The following DNAJC3 variants were observed in gnomAD, a reference collection of about 807,000 sequenced individuals.
The protein encoded by DNAJC3 is DnaJ heat shock protein family (Hsp40) member C3, also known as dnaJ homolog subfamily C member 3.
In DNAJC3, 38 loss-of-function variants were observed where a neutral mutation model predicts 68.6. The ratio of observed to expected loss-of-function variants is 0.55; its 90% CI spans 0.43 to 0.73. DNAJC3 has a LOEUF of 0.73. Among genes scored for constraint, DNAJC3 ranks in the 30% least tolerant of loss-of-function variants. The pLI is 0.00. For synonymous variants in DNAJC3, 203 were observed against 204.0 expected (o/e 1.00, Z 0.04); for missense variants, 526 against 591.9 (o/e 0.89, Z 1.16).
Position 95,677,185 on chromosome 13 carries a change from T to A in DNAJC3, c.-71T>A. On this transcript the variant is annotated 5_prime_UTR_variant, in exon 1 of 12. Coordinates refer to ENST00000602402, the MANE Select transcript of DNAJC3 (RefSeq NM_006260.5). ...AGAGCCGACGGCGGGCGGGCGCAGC[T>A]GCTGCCGGAGCGCCGGCGCGTGCTG... is the stretch of plus-strand genomic sequence containing the variant. 6.8e-7 allele frequency: 1 copy of A among 1,464,582 alleles called. No individual in the cohort carries two copies. The highest frequency in any genetic ancestry group is 9.2e-7 in the Non-Finnish European group (1 of 1,082,436). 90.7% of individuals were successfully genotyped at this position (1,464,582 alleles called of 1,614,324 possible). A position where few individuals can be genotyped will look rare whatever the true frequency, so the allele number is the denominator to read the frequency against.
intron 1 of DNAJC3, among the ~76,000 whole-genome samples, chr13:95,698,881 G>A (rs1308165248): frequency 1.3e-5 from 2 of 152,218 alleles, no homozygotes; most frequent in Non-Finnish European, 2.9e-5. Flanking sequence ...CTGGACCCAC[G>A]GCATGAAACC....
chr13:95,717,499 A>T (rs1881188980), intron 2 of DNAJC3, among the ~76,000 whole-genome samples: 1 of 152,172 alleles, frequency 6.6e-6, no homozygotes, highest in Admixed American at 6.5e-5. Flanking sequence ...TGAATGAAGG[A>T]GTTCAGTTGG....
chr13:95,727,719 C>T (rs1009195361), intron 4 of DNAJC3, among the ~76,000 whole-genome samples: 3 of 152,186 alleles, frequency 2.0e-5, no homozygotes, highest in African/African-American at 7.2e-5. Context: ...CTGATACAAT[C>T]TATCAATCTA....
intron 1 of DNAJC3, among the ~76,000 whole-genome samples, chr13:95,681,472 T>A (rs1193887751): frequency 6.6e-6 from 1 of 152,160 alleles, no homozygotes; most frequent in African/African-American, 2.4e-5. Flanking sequence ...CATCTCAGCC[T>A]CCTGAATAGC....
chr13:95,760,250 C>T (rs745720390), intron 6 of DNAJC3, 29 bp downstream of exon 6: 1 of 1,466,914 alleles, frequency 6.8e-7, no homozygotes, highest in Admixed American at 2.5e-5. Context: ...CATGTCTGAT[C>T]TTTTTTAATT....
intron 4 of DNAJC3, among the ~76,000 whole-genome samples, chr13:95,740,132 G>A (rs1289435791): frequency 6.6e-6 from 1 of 152,188 alleles, no homozygotes; most frequent in Non-Finnish European, 1.5e-5. Flanking sequence ...TCGGGGGTCG[G>A]GGTCAGGGAC....
In DNAJC3 at chr13:95,790,879, G is replaced by C; in HGVS notation, c.1364G>C (p.Arg455Thr). Residue 455 changes from arginine (R) to threonine (T), a missense_variant, in exon 12 of 12, where the codon AGA becomes ACA. Physicochemically the swap from Arg to Thr is moderately conservative, Grantham distance 71. Coordinates refer to ENST00000602402, the MANE Select transcript of DNAJC3 (RefSeq NM_006260.5). ...TTTTCTGATTTCTTTCTAGAAATGA[G>C]AAAGAAGTTTGACGACGGAGAAGAT... The part of the protein sequence containing the change: ...AKEVLSDPEM[R>T]KKFDDGEDPL... 1 of 1,608,976 alleles carries C rather than the reference G, an allele frequency of 6.2e-7. No homozygotes were observed. The highest frequency in any genetic ancestry group is 2.2e-5 in the East Asian group (1 of 44,806).
At chr13:95,766,804 A>G (rs1049015462) in intron 9 of DNAJC3, among the ~76,000 whole-genome samples, 3 of 151,652 alleles carry the variant, frequency 2.0e-5, no homozygotes, top group South Asian at 4.2e-4. Flanking sequence ...CGGTTCAAGC[A>G]ATTCTCCTGC....
intron 1 of DNAJC3, among the ~76,000 whole-genome samples, chr13:95,690,697 C>T (rs1201857945): frequency 7.3e-6 from 1 of 136,682 alleles, no homozygotes; most frequent in Non-Finnish European, 1.6e-5. Context: ...GACGGGGCGG[C>T]TGGCTGGGCA....
intron 2 of DNAJC3, among the ~76,000 whole-genome samples, chr13:95,718,034 T>A (rs1881207898): frequency 6.6e-6 from 1 of 152,216 alleles, no homozygotes; most frequent in Admixed American, 6.5e-5. Context: ...AATTGTTTGA[T>A]AGTTCTAGGA....
At chr13:95,722,455 A>C (rs143570501) in intron 2 of DNAJC3, among the ~76,000 whole-genome samples, 38 of 152,118 alleles carry the variant, frequency 2.5e-4, no homozygotes, top group African/African-American at 8.9e-4. Context: ...CATAGAGACA[A>C]ACTGAATTGC....
chr13:95,701,690 T>G (rs1431893713), intron 1 of DNAJC3, among the ~76,000 whole-genome samples: 1 of 152,216 alleles, frequency 6.6e-6, no homozygotes, highest in East Asian at 1.9e-4. Flanking sequence ...GGAGTCCCAG[T>G]TTATGAAGAT....
chr13:95,702,603 C>G (rs2139618518), intron 1 of DNAJC3, among the ~76,000 whole-genome samples: 1 of 152,242 alleles, frequency 6.6e-6, no homozygotes, highest in South Asian at 2.1e-4. Flanking sequence ...CTTGTTTTCC[C>G]CTTTCACCAC....
At chr13:95,754,909 A>T (rs1882605540) in intron 4 of DNAJC3, among the ~76,000 whole-genome samples, 1 of 152,150 alleles carries the variant, frequency 6.6e-6, no homozygotes, top group South Asian at 2.1e-4. Context: ...ATTACGGGTT[A>T]TTTTTCCAGA....
chr13:95,686,266 C>T (rs1208207926), intron 1 of DNAJC3, among the ~76,000 whole-genome samples: 1 of 152,154 alleles, frequency 6.6e-6, no homozygotes, highest in Non-Finnish European at 1.5e-5. Context: ...TGGCCCTTTG[C>T]CCACTTTTTA....
At chr13:95,678,823 C>G (rs1879837196) in intron 1 of DNAJC3, among the ~76,000 whole-genome samples, 2 of 152,062 alleles carry the variant, frequency 1.3e-5, no homozygotes, top group Admixed American at 1.3e-4. Context: ...TCTGTAAGGA[C>G]TCTTAACTCT....
At chr13:95,771,518 G>A (rs1042906134) in intron 9 of DNAJC3, among the ~76,000 whole-genome samples, 1 of 152,162 alleles carries the variant, frequency 6.6e-6, no homozygotes, top group African/African-American at 2.4e-5. Flanking sequence ...ACTATGTGTT[G>A]AAGGCAGGCC....
At chr13:95,765,091 G>C (rs1882955245) in intron 9 of DNAJC3, among the ~76,000 whole-genome samples, 2 of 151,996 alleles carry the variant, frequency 1.3e-5, no homozygotes, top group Non-Finnish European at 2.9e-5. Context: ...ACTACTATTT[G>C]TGGGACATCT....
chr13:95,774,740 C>G (rs1488336784), intron 9 of DNAJC3, among the ~76,000 whole-genome samples: 1 of 152,196 alleles, frequency 6.6e-6, no homozygotes, highest in Admixed American at 6.5e-5. Context: ...CTGTTGATCA[C>G]TGGCAATACT....
Sources: allele counts gnomAD v4.1 joint callset (sites outside exome capture counted in the v4.1 genomes callset), GRCh38; gene constraint gnomAD v4.1.1; transcripts MANE v1.5; gene names NCBI Gene and HGNC (gene_info 2026-07-23, HGNC 2026-07-21).